KLHL1: variants seen among roughly 807,000 people sequenced by gnomAD.
KLHL1 encodes the protein kelch like family member 1.
A neutral mutation model predicts 77.7 loss-of-function variants in KLHL1; 47 were observed. The observed-to-expected ratio is 0.60, with a 90% CI of 0.48 to 0.77. The LOEUF is 0.77. Among genes scored for constraint, KLHL1 ranks in the 30% least tolerant of loss-of-function variants. The pLI is 0.00. For synonymous variants in KLHL1, 360 were observed against 325.2 expected (o/e 1.11, Z -1.15); for missense variants, 925 against 910.8 (o/e 1.02, Z -0.20).
At chr13:70,041,710 G>A (rs904059771) in intron 1 of KLHL1, among the ~76,000 whole-genome samples, 1 of 152,040 alleles carries the variant, frequency 6.6e-6, no homozygotes. Flanking sequence ...CAGTGGAGTG[G>A]GGTAGAAACG....
chr13:69,869,175 G>A (rs1172645542), intron 5 of KLHL1, among the ~76,000 whole-genome samples: 1 of 152,108 alleles, frequency 6.6e-6, no homozygotes, highest in African/African-American at 2.4e-5. Context: ...AATTCTACCT[G>A]AGGAAGTTAA....
chr13:70,083,484 G>A lies in KLHL1; in HGVS notation c.497+23719C>T, dbSNP rs531898890. Among the ~76,000 whole-genome samples the A allele has an allele frequency of 2.3e-4, 35 of 152,202 alleles. 1 individual carries two copies. The highest frequency in any genetic ancestry group is 8.4e-4 in the African/African-American group (35 of 41,530). Reference sequence around the variant, plus strand: ...CCTGGCCTTGTTTATTTCTGAAGGAGAATGAGATACTTATTAATTTTAGAC... The same window carrying A: ...CCTGGCCTTGTTTATTTCTGAAGGAAAATGAGATACTTATTAATTTTAGAC... On this transcript the variant is annotated intron_variant, in intron 1 of 10. Transcript: ENST00000377844.
At chr13:70,016,671 C>T (rs2472276) in intron 1 of KLHL1, among the ~76,000 whole-genome samples, 19,275 of 152,146 alleles carry the variant, frequency 0.13, 2,197 homozygotes, top group African/African-American at 0.3. Flanking sequence ...GGTGCCCCTC[C>T]GCACAAACAG....
intron 4 of KLHL1, among the ~76,000 whole-genome samples, chr13:69,913,853 G>A (rs1369441553): frequency 6.6e-6 from 1 of 151,914 alleles, no homozygotes; most frequent in Non-Finnish European, 1.5e-5. Context: ...AGGATGCAAA[G>A]TACTTTTCCT....
chr13:70,048,174 C>A (rs532153850), intron 1 of KLHL1, among the ~76,000 whole-genome samples: 8 of 152,194 alleles, frequency 5.3e-5, no homozygotes, highest in South Asian at 4.1e-4. Flanking sequence ...ATATACTTTC[C>A]CTAGATTTTC....
chr13:69,963,744 A>ATATTTAAAT (rs202054987), intron 2 of KLHL1, among the ~76,000 whole-genome samples: 2,335 of 152,230 alleles, frequency 0.015, 51 homozygotes, highest in African/African-American at 0.053. Context: ...AACATAAAAT[A>ATATTTAAAT]TATTTAAATT....
At chr13:69,811,599 T>C (rs1877883117) in intron 6 of KLHL1, among the ~76,000 whole-genome samples, 1 of 152,088 alleles carries the variant, frequency 6.6e-6, no homozygotes, top group South Asian at 2.1e-4. Flanking sequence ...AAATCCTCTA[T>C]TCAACACAAT....
chr13:70,014,386 G>A (rs114881736), intron 1 of KLHL1, among the ~76,000 whole-genome samples: 220 of 152,156 alleles, frequency 1.4e-3, no homozygotes, highest in South Asian at 0.013. Flanking sequence ...ACATTTATGT[G>A]GCTATACAAT....
intron 9 of KLHL1, among the ~76,000 whole-genome samples, chr13:69,712,398 C>T (rs149831070): frequency 2.0e-5 from 3 of 152,160 alleles, no homozygotes; most frequent in Non-Finnish European, 4.4e-5. Context: ...CAATTTTCCA[C>T]ATGAGATATC....
intron 1 of KLHL1, among the ~76,000 whole-genome samples, chr13:70,015,099 AAC>A (rs1346671164): frequency 1.3e-5 from 2 of 152,156 alleles, no homozygotes; most frequent in Non-Finnish European, 1.5e-5. Context: ...ATTATGTACA[AAC>A]ACACACATAT....
At chr13:70,089,036 T>C (rs1887613911) in intron 1 of KLHL1, among the ~76,000 whole-genome samples, 1 of 152,178 alleles carries the variant, frequency 6.6e-6, no homozygotes, top group African/African-American at 2.4e-5. Flanking sequence ...CATGTGAGTT[T>C]ACTAGCCAGT....
rs561986224 is a variant in KLHL1, at chr13:69,995,953, C to T, written c.498-20151G>A. 1.6e-4 allele frequency among the ~76,000 whole-genome samples: 24 copies of T among 152,216 alleles called. No individual in the cohort carries two copies. The South Asian group carries it at 5.0e-3, about 32-fold the overall frequency. ...CTATCACCAGGCACCTAACACAGTG[C>T]TACACAAAAAGCTATACTGCATTCA... On this transcript the variant is annotated intron_variant, in intron 1 of 10. Transcript: ENST00000377844.
chr13:69,961,484 A>C (rs1884063913), intron 2 of KLHL1, 40 bp from the exon 3 acceptor site: 1 of 1,609,274 alleles, frequency 6.2e-7, no homozygotes, highest in Non-Finnish European at 8.5e-7. Context: ...CGTGAATGTA[A>C]GGCAGAAAAT....
chr13:69,727,624 C>A (rs533644536), intron 8 of KLHL1, among the ~76,000 whole-genome samples: 1 of 152,130 alleles, frequency 6.6e-6, no homozygotes, highest in Admixed American at 6.5e-5. Flanking sequence ...GAATGAAGAA[C>A]CTGGAAATGA....
At chr13:69,900,488 T>C (rs999088700) in intron 4 of KLHL1, among the ~76,000 whole-genome samples, 1 of 152,214 alleles carries the variant, frequency 6.6e-6, no homozygotes, top group Non-Finnish European at 1.5e-5. Flanking sequence ...TTTTCACCAT[T>C]GTTCCCAGTA....
chr13:70,010,024 A>C (rs1885494516), intron 1 of KLHL1, among the ~76,000 whole-genome samples: 1 of 152,082 alleles, frequency 6.6e-6, no homozygotes. Flanking sequence ...GTGCATTACA[A>C]GAAGGAGAAA....
intron 1 of KLHL1, among the ~76,000 whole-genome samples, chr13:69,986,084 G>A (rs1280829886): frequency 3.3e-5 from 5 of 151,420 alleles, no homozygotes; most frequent in African/African-American, 4.8e-5. Flanking sequence ...AGTACTGAAG[G>A]ACCAATATTA....
At chr13:69,702,852 A>G (rs2325241) in intron 10 of KLHL1, among the ~76,000 whole-genome samples, 111,427 of 151,482 alleles carry the variant, frequency 0.74, 42,754 homozygotes, top group East Asian at 0.99. Context: ...TATTCGTGAC[A>G]TATTTGTGTG....
chr13:70,010,854 T>C (rs1299619583), intron 1 of KLHL1, among the ~76,000 whole-genome samples: 1 of 151,534 alleles, frequency 6.6e-6, no homozygotes, highest in Admixed American at 6.6e-5. Context: ...ATTGCGCCAT[T>C]GCACTCCAGC....
Sources: allele counts gnomAD v4.1 joint callset (sites outside exome capture counted in the v4.1 genomes callset), GRCh38; gene constraint gnomAD v4.1.1; transcripts MANE v1.5; gene names NCBI Gene and HGNC (gene_info 2026-07-23, HGNC 2026-07-21).